The following MRRF variants were observed in gnomAD, a reference collection of about 807,000 sequenced individuals.
MRRF encodes ribosome-recycling factor, mitochondrial.
A neutral mutation model predicts 25.1 loss-of-function variants in MRRF; 18 were observed. The ratio of observed to expected loss-of-function variants is 0.72; its 90% CI spans 0.50 to 1.06. MRRF has a LOEUF of 1.06. MRRF is among the 50% of genes least tolerant of loss of function. The probability of loss-of-function intolerance (pLI) is 0.00; values close to 1 mark genes in which losing one functional copy is unlikely to be tolerated. For synonymous variants in MRRF, 113 were observed against 112.1 expected, an observed-to-expected ratio of 1.01 and a Z score of -0.05; for missense variants, 323 against 319.3, an observed-to-expected ratio of 1.01 and a Z score of -0.09.
In MRRF at chr9:122,270,944, A is replaced by G. The variant is rs1564469324; in HGVS notation, c.53A>G (p.Tyr18Cys). The G allele has an allele frequency of 1.9e-6, 3 of 1,614,186 alleles. No individual in the cohort carries two copies. The highest frequency in any genetic ancestry group is 2.2e-5 in the East Asian group (1 of 44,882). ...FRMVHPTFRN[Y>C]LAASIRPVSE... ...ATGGTCCACCCTACCTTTCGCAATT[A>G]TCTTGCAGCCTCTATCAGACCCGTT... Residue 18 changes from tyrosine to cysteine, a missense_variant, in exon 2 of 7, where the codon TAT becomes TGT. By Grantham distance (194) the Tyr-to-Cys change is radical (BLOSUM62 -2). Coordinates refer to ENST00000344641, the MANE Select transcript of MRRF (RefSeq NM_138777.5).
At chr9:122,316,520 A>G (rs927463882) in intron 6 of MRRF, among the ~76,000 whole-genome samples, 2 of 152,086 alleles carry the variant, frequency 1.3e-5, no homozygotes, top group East Asian at 3.9e-4. Context: ...ACTGTCATAG[A>G]GTTAAAAGTT....
Position 122,283,162 on chromosome 9 carries a change from C to T in MRRF, c.341-2007C>T, listed in dbSNP as rs191963103. Among the ~76,000 whole-genome samples, 464 of 150,082 alleles carry T rather than the reference C, an allele frequency of 3.1e-3. 2 individuals are homozygous for T. The highest frequency in any genetic ancestry group is 0.014 in the Middle Eastern group (4 of 288). ...GGAGTGGAGTGCAATGGCGCGATCT[C>T]GGCTCACTGCAACCTCCTTCTCCCG... is the stretch of plus-strand genomic sequence containing the variant. On this transcript the variant is annotated intron_variant, in intron 3 of 6. Coordinates refer to ENST00000344641, the MANE Select transcript of MRRF (RefSeq NM_138777.5).
At chr9:122,281,292 G>T (rs751421242) in intron 3 of MRRF, among the ~76,000 whole-genome samples, 28 of 152,198 alleles carry the variant, frequency 1.8e-4, no homozygotes, top group Admixed American at 3.9e-4. Context: ...GTTAAATTAG[G>T]CTTTTGCAAA....
intron 1 of MRRF, among the ~76,000 whole-genome samples, chr9:122,267,678 A>G (rs1308307440): frequency 1.3e-5 from 2 of 152,214 alleles, no homozygotes; most frequent in Admixed American, 6.5e-5. Flanking sequence ...CTGAATTCAA[A>G]TCTTGGGCAG....
At chr9:122,268,562 G>T (rs1832261589) in intron 1 of MRRF, among the ~76,000 whole-genome samples, 1 of 152,230 alleles carries the variant, frequency 6.6e-6, no homozygotes, top group Non-Finnish European at 1.5e-5. Flanking sequence ...TTAGCTCCAT[G>T]TCCTTGGACA....
rs1355821269 is a variant in MRRF, at chr9:122,327,376, C to G, written c.*4759C>G. On this transcript the variant is annotated 3_prime_UTR_variant, in exon 7 of 7. Coordinates refer to ENST00000344641, the MANE Select transcript of MRRF (RefSeq NM_138777.5). ...ATTGAAACCACTCAGTGAAACTTTG[C>G]GGTTAGACAAAGAGTGATCATAAAA... 6.6e-6 allele frequency: 1 copy of G among 152,110 alleles called. No individual in the cohort carries two copies. Among genetic ancestry groups the G allele is most frequent in the Non-Finnish European group, 1.5e-5 (1 of 68,012 alleles). 9.4% of individuals were successfully genotyped at this position (152,110 alleles called of 1,614,324 possible).
At chr9:122,306,630 G>A (rs1686677922) in intron 5 of MRRF, among the ~76,000 whole-genome samples, 1 of 152,198 alleles carries the variant, frequency 6.6e-6, no homozygotes, top group African/African-American at 2.4e-5. Context: ...AAGTGTCAGA[G>A]CTGGAATTGG....
At position 122,322,931 on chromosome 9, in the gene MRRF, A is replaced by G; in HGVS notation, c.*314A>G. 2 of 446,904 alleles carry G rather than the reference A, an allele frequency of 4.5e-6. No homozygotes were observed. The highest frequency in any genetic ancestry group is 3.4e-5 in the Admixed American group (1 of 29,246). 27.7% of individuals were successfully genotyped at this position (446,904 alleles called of 1,614,324 possible). The stretch of plus-strand genomic sequence containing the variant: ...GCAGGCTTAGTACCACCTGCTCCTC[A>G]TCTTAGGAGTCTCCTTTTCAAATAA... On this transcript the variant is annotated 3_prime_UTR_variant, in exon 7 of 7. Coordinates refer to ENST00000344641, the MANE Select transcript of MRRF (RefSeq NM_138777.5).
intron 4 of MRRF, chr9:122,286,265 G>C: frequency 8.4e-7 from 1 of 1,190,998 alleles, no homozygotes; most frequent in Non-Finnish European, 1.1e-6. Context: ...CTAGGCTAGA[G>C]ATAGGAGAAA....
intron 4 of MRRF, chr9:122,285,908 A>G: frequency 7.7e-7 from 1 of 1,297,018 alleles, no homozygotes; most frequent in Non-Finnish European, 1.0e-6. Context: ...TGACCATTGC[A>G]GAATATTGCA....
chr9:122,284,125 T>G (rs1833241675), intron 3 of MRRF, among the ~76,000 whole-genome samples: 1 of 152,086 alleles, frequency 6.6e-6, no homozygotes, highest in South Asian at 2.1e-4. Context: ...AATTACAAGC[T>G]TCCCCAAATC....
intron 5 of MRRF, among the ~76,000 whole-genome samples, chr9:122,305,843 G>A (rs1294273959): frequency 1.3e-5 from 2 of 152,208 alleles, no homozygotes; most frequent in African/African-American, 2.4e-5. Context: ...GTTCATTGCT[G>A]TATTCCTAGG....
chr9:122,280,602 A>G lies in MRRF; in HGVS notation c.340+4A>G, dbSNP rs771091274. On this transcript the variant is annotated splice_donor_region_variant and intron_variant, in intron 3 of 6. Coordinates refer to ENST00000344641, the MANE Select transcript of MRRF (RefSeq NM_138777.5). ...CTCAATATAAGGACCTCACCAGGTT[A>G]GTGACTGAACCAATGTTCTGGGGAG... 22 of 1,613,568 alleles carry G rather than the reference A, an allele frequency of 1.4e-5. No homozygotes were observed. In the Admixed American group the frequency reaches 3.0e-4, roughly 22 times the overall value.
chr9:122,306,001 T>C (rs1055169553), intron 5 of MRRF, among the ~76,000 whole-genome samples: 1 of 152,222 alleles, frequency 6.6e-6, no homozygotes, highest in African/African-American at 2.4e-5. Context: ...ATCTCTATCT[T>C]ACAGATGAGG....
chr9:122,272,093 T>C (rs10818671), intron 2 of MRRF, among the ~76,000 whole-genome samples: 23,742 of 152,238 alleles, frequency 0.16, 2,061 homozygotes, highest in East Asian at 0.24. Flanking sequence ...CTAATTTTAT[T>C]CTTATAATTA....
intron 6 of MRRF, among the ~76,000 whole-genome samples, chr9:122,317,055 A>G (rs1042474914): frequency 1.4e-4 from 21 of 146,178 alleles, no homozygotes; most frequent in Non-Finnish European, 2.6e-4. Flanking sequence ...TCTTTGTTAT[A>G]AGGTTGCAGT....
chr9:122,265,223 T>C (rs755674813), intron 1 of MRRF, among the ~76,000 whole-genome samples: 4 of 152,178 alleles, frequency 2.6e-5, no homozygotes, highest in Non-Finnish European at 5.9e-5. Context: ...AACAATCCCA[T>C]AGGAGTAGAT....
In MRRF at chr9:122,322,671, G is replaced by T; in HGVS notation, c.*54G>T. The T allele has an allele frequency of 1.3e-6, 2 of 1,531,660 alleles. No homozygotes were observed. The highest frequency in any genetic ancestry group is 1.8e-6 in the Non-Finnish European group (2 of 1,107,376). 94.9% of individuals were successfully genotyped at this position (1,531,660 alleles called of 1,614,324 possible). Reference sequence around the variant, plus strand: ...AGCCCAGTTTCTGCTGGATCCCATGGGTGGCACATTGGGACTTCTCTCCCT... The same window carrying T: ...AGCCCAGTTTCTGCTGGATCCCATGTGTGGCACATTGGGACTTCTCTCCCT... On this transcript the variant is annotated 3_prime_UTR_variant, in exon 7 of 7. Coordinates refer to ENST00000344641, the MANE Select transcript of MRRF (RefSeq NM_138777.5).
At chr9:122,280,026 G>T (rs924711555) in intron 2 of MRRF, among the ~76,000 whole-genome samples, 1 of 152,124 alleles carries the variant, frequency 6.6e-6, no homozygotes, top group Non-Finnish European at 1.5e-5. Context: ...AAAAGTAAGG[G>T]ATTAATTTAG....
Sources: allele counts gnomAD v4.1 joint callset (sites outside exome capture counted in the v4.1 genomes callset), GRCh38; gene constraint gnomAD v4.1.1; transcripts MANE v1.5; gene names NCBI Gene and HGNC (gene_info 2026-07-23, HGNC 2026-07-21).